The following PTPRJ variants were observed in gnomAD, a reference collection of about 807,000 sequenced individuals.
PTPRJ encodes the protein receptor-type tyrosine-protein phosphatase eta.
PTPRJ carries 129 observed loss-of-function variants against 141.3 expected under a neutral mutation model. The ratio of observed to expected loss-of-function variants is 0.91; its 90% confidence interval spans 0.79 to 1.06. The LOEUF is 1.06. PTPRJ is among the 50% of genes least tolerant of loss of function. The pLI is 0.00. For missense variants in PTPRJ, 1,601 were observed against 1,679.7 expected, an observed-to-expected ratio of 0.95 and a Z score of 0.82; for synonymous variants, 610 against 640.5, an observed-to-expected ratio of 0.95 and a Z score of 0.72.
intron 1 of PTPRJ, among the ~76,000 whole-genome samples, chr11:48,068,136 C>T (rs985610391): frequency 1.8e-4 from 28 of 151,984 alleles, no homozygotes; most frequent in African/African-American, 6.1e-4. Flanking sequence ...GACATGTTAG[C>T]GATGGCTAGA....
intron 1 of PTPRJ, among the ~76,000 whole-genome samples, chr11:47,990,424 C>CT (rs951959793): frequency 2.0e-5 from 3 of 151,998 alleles, no homozygotes; most frequent in Non-Finnish European, 2.9e-5. Context: ...CATGAAACCT[C>CT]TTTTTTTCTT....
chr11:48,141,244 G>A (rs1857223456), intron 11 of PTPRJ, among the ~76,000 whole-genome samples: 1 of 152,158 alleles, frequency 6.6e-6, no homozygotes, highest in South Asian at 2.1e-4. Flanking sequence ...TTTAGGTAGA[G>A]AGAGAGAGTG....
At chr11:48,071,394 G>T (rs1855245780) in intron 1 of PTPRJ, among the ~76,000 whole-genome samples, 1 of 151,630 alleles carries the variant, frequency 6.6e-6, no homozygotes, top group Admixed American at 6.6e-5. Context: ...TTGGCTCACT[G>T]CACCCTCCGC....
At chr11:48,117,881 A>T (rs972696139) in intron 3 of PTPRJ, among the ~76,000 whole-genome samples, 1 of 152,206 alleles carries the variant, frequency 6.6e-6, no homozygotes, top group Non-Finnish European at 1.5e-5. Flanking sequence ...GAAATGAGAC[A>T]TTATAAACTG....
At chr11:48,086,586 T>C (rs1243141180) in intron 1 of PTPRJ, among the ~76,000 whole-genome samples, 2 of 152,234 alleles carry the variant, frequency 1.3e-5, no homozygotes, top group African/African-American at 2.4e-5. Context: ...CTCCAACCTG[T>C]AGCCTGAAGC....
chr11:48,094,680 T>C (rs10742830), intron 1 of PTPRJ, among the ~76,000 whole-genome samples: 150,432 of 152,294 alleles, frequency 0.99, 74,324 homozygotes, highest in Middle Eastern at 1. Context: ...GCTTTTCTGC[T>C]GTGTTTACTG....
chr11:48,156,334 C>A (rs1329350772), intron 21 of PTPRJ, among the ~76,000 whole-genome samples: 1 of 151,774 alleles, frequency 6.6e-6, no homozygotes, highest in Non-Finnish European at 1.5e-5. Context: ...TTTTTTTGGA[C>A]AAATATCAGT....
intron 15 of PTPRJ, among the ~76,000 whole-genome samples, chr11:48,147,746 C>T (rs537622339): frequency 6.6e-6 from 1 of 152,318 alleles, no homozygotes; most frequent in African/African-American, 2.4e-5. Flanking sequence ...AATCTCCATC[C>T]TGCCTTAGGG....
At position 47,997,894 on chromosome 11, in the gene PTPRJ, C is replaced by T. The variant is rs76252086; in HGVS notation, c.96+16886C>T. ...GAGAGAGAGAATGCCTTCCAGCCAG[C>T]GAGAGAGAATGCCTTCCAGCCGGTG... On this transcript the variant is annotated intron_variant, in intron 1 of 24. Transcript: ENST00000418331. 1.3e-3 allele frequency among the ~76,000 whole-genome samples: 195 copies of T among 151,912 alleles called. 1 individual carries two copies. The highest frequency in any genetic ancestry group is 2.3e-3 in the Non-Finnish European group (158 of 67,974).
chr11:48,049,565 C>CAA (rs746217685), intron 1 of PTPRJ, among the ~76,000 whole-genome samples: 2 of 150,814 alleles, frequency 1.3e-5, no homozygotes, highest in African/African-American at 4.9e-5. Flanking sequence ...CAAAACAAAA[C>CAA]AAGTCGGGTG....
chr11:48,040,196 T>G (rs976717835), intron 1 of PTPRJ, among the ~76,000 whole-genome samples: 14 of 152,344 alleles, frequency 9.2e-5, no homozygotes, highest in Non-Finnish European at 1.9e-4. Context: ...AGGTGTTACT[T>G]CTCACCGAAG....
At position 48,146,733 on chromosome 11, in the gene PTPRJ, G is replaced by A. The variant is rs186786287; in HGVS notation, c.2912-143G>A. ...ATTTAACTCCCTTGTGTGTGTGTGC[G>A]CCTGTGTGTGTGTGTGCATGCATGT... On this transcript the variant is annotated intron_variant, in intron 14 of 24. Transcript: ENST00000418331. 296 of 690,010 alleles carry A rather than the reference G, an allele frequency of 4.3e-4. 1 individual carries two copies. The highest frequency in any genetic ancestry group is 3.2e-3 in the African/African-American group (179 of 56,226). 42.7% of individuals were successfully genotyped at this position (690,010 alleles called of 1,614,324 possible).
intron 1 of PTPRJ, among the ~76,000 whole-genome samples, chr11:48,039,353 C>A (rs952597589): frequency 1.6e-4 from 24 of 146,930 alleles, no homozygotes; most frequent in African/African-American, 6.4e-4. Flanking sequence ...AAAAAAACAA[C>A]AAACTGCCTC....
At chr11:48,132,632 T>C (rs1300114635) in intron 8 of PTPRJ, 5 of 889,502 alleles carry the variant, frequency 5.6e-6, no homozygotes, top group Non-Finnish European at 5.4e-6. Context: ...ACATGGCACA[T>C]GTATACATAT....
intron 1 of PTPRJ, among the ~76,000 whole-genome samples, chr11:48,089,707 G>A (rs992923821): frequency 6.6e-6 from 1 of 152,146 alleles, no homozygotes. Context: ...CATTTGAAGG[G>A]CTGCTGTGTC....
intron 21 of PTPRJ, among the ~76,000 whole-genome samples, chr11:48,156,992 A>G (rs889677599): frequency 8.6e-5 from 13 of 150,404 alleles, no homozygotes; most frequent in African/African-American, 3.2e-4. Context: ...TCCATCAAAG[A>G]TAAGATTTTT....
intron 11 of PTPRJ, among the ~76,000 whole-genome samples, chr11:48,141,975 G>T: frequency 6.7e-6 from 1 of 149,446 alleles, no homozygotes. Flanking sequence ...ACAGTGTACA[G>T]CTTTAGGTCT....
At chr11:48,067,725 GTT>G (rs1855122988) in intron 1 of PTPRJ, among the ~76,000 whole-genome samples, 1 of 152,136 alleles carries the variant, frequency 6.6e-6, no homozygotes, top group Non-Finnish European at 1.5e-5. Flanking sequence ...TTTCATTCAT[GTT>G]TTACAGATTG....
At chr11:48,150,250 TTGG>T (rs1267288867) in intron 18 of PTPRJ, 67 bp downstream of exon 18, 9 of 1,365,970 alleles carry the variant, frequency 6.6e-6, no homozygotes, top group African/African-American at 2.9e-5. Flanking sequence ...CTGAGGGGAG[TTGG>T]TGGATGGGTG....
Sources: gnomAD v4.1 joint callset for allele counts (sites outside exome capture counted in the v4.1 genomes callset) on GRCh38, gnomAD v4.1.1 for gene constraint, MANE v1.5 for transcripts, NCBI Gene and HGNC (gene_info 2026-07-23, HGNC 2026-07-21) for gene names.